The following PCDH15 variants were observed in gnomAD, a reference collection of about 807,000 sequenced individuals.
PCDH15 encodes the protein protocadherin related 15.
A neutral mutation model predicts 178.5 loss-of-function variants in PCDH15; 129 were observed. The observed-to-expected ratio is 0.72, with a 90% CI of 0.63 to 0.84. The LOEUF is 0.84. Ranked by LOEUF, PCDH15 falls within the 40% of genes least tolerant of loss-of-function variation. The pLI, the probability that PCDH15 is intolerant of heterozygous loss-of-function variation, is 0.00. For missense variants in PCDH15, 2,230 were observed against 2,099.9 expected (o/e 1.06, Z -1.21); for synonymous variants, 800 against 732.0 (o/e 1.09, Z -1.50).
intron 3 of PCDH15, among the ~76,000 whole-genome samples, chr10:54,408,442 G>T (rs1952994056): frequency 6.6e-6 from 1 of 151,912 alleles, no homozygotes; most frequent in Admixed American, 6.6e-5. Context: ...TTAATAATTT[G>T]CCTATAATAT....
chr10:54,872,781 C>G (rs187723728), intron 3 of PCDH15, among the ~76,000 whole-genome samples: 228 of 152,066 alleles, frequency 1.5e-3, no homozygotes, highest in African/African-American at 5.4e-3. Context: ...ATCGCAGGAG[C>G]AAGTAATCAA....
chr10:54,152,530 A>G (rs187299836), intron 14 of PCDH15, among the ~76,000 whole-genome samples: 12 of 152,158 alleles, frequency 7.9e-5, no homozygotes, highest in African/African-American at 2.4e-4. Context: ...AATGGAAAAA[A>G]ACCCCAGCAA....
At chr10:54,408,539 A>T (rs560873885) in intron 3 of PCDH15, among the ~76,000 whole-genome samples, 2 of 152,288 alleles carry the variant, frequency 1.3e-5, no homozygotes, top group Admixed American at 1.3e-4. Flanking sequence ...GTATGAGACA[A>T]ATCATGATGT....
intron 2 of PCDH15, among the ~76,000 whole-genome samples, chr10:55,563,081 G>C (rs1842231850): frequency 6.6e-6 from 1 of 151,900 alleles, no homozygotes; most frequent in African/African-American, 2.4e-5. Context: ...CCTCTAGCTT[G>C]CAAAAACTAC....
chr10:55,274,634 G>A (rs1477100871), intron 1 of PCDH15, among the ~76,000 whole-genome samples: 1 of 151,930 alleles, frequency 6.6e-6, no homozygotes, highest in African/African-American at 2.4e-5. Context: ...TTCCAAACCT[G>A]CTTTTCTTAT....
At chr10:53,847,766 C>T (rs2078070939) in intron 28 of PCDH15, among the ~76,000 whole-genome samples, 1 of 152,052 alleles carries the variant, frequency 6.6e-6, no homozygotes, top group South Asian at 2.1e-4. Context: ...TCTGTAATTA[C>T]TTACTCTTAC....
intron 13 of PCDH15, among the ~76,000 whole-genome samples, chr10:54,175,184 A>G (rs1256077964): frequency 6.6e-6 from 1 of 152,176 alleles, no homozygotes; most frequent in Non-Finnish European, 1.5e-5. Context: ...TCATGACATT[A>G]TACACACAAA....
chr10:54,819,944 A>G (rs1243228146), intron 3 of PCDH15, among the ~76,000 whole-genome samples: 1 of 152,084 alleles, frequency 6.6e-6, no homozygotes, highest in Non-Finnish European at 1.5e-5. Context: ...AAAAATACAT[A>G]TCATTTAGCC....
chr10:54,258,225 G>C (rs1050226711), intron 8 of PCDH15, among the ~76,000 whole-genome samples: 9 of 152,130 alleles, frequency 5.9e-5, no homozygotes, highest in African/African-American at 2.2e-4. Context: ...GAATTAGATT[G>C]ATGTCTTGTT....
intron 2 of PCDH15, among the ~76,000 whole-genome samples, chr10:55,024,080 T>TATATAGGAAGGAATATAC (rs1840410433): frequency 3.6e-5 from 1 of 27,832 alleles, no homozygotes; most frequent in East Asian, 3.6e-3. Flanking sequence ...CACTCATATA[T>TATATAGGAAGGAATATAC]ATATATATAT....
At chr10:53,823,425 GT>G (rs1564541317) in intron 32 of PCDH15, 2 of 1,425,686 alleles carry the variant, frequency 1.4e-6, no homozygotes, top group African/African-American at 1.4e-5. Flanking sequence ...TGAGAAAGAT[GT>G]TTTTATGGCT....
At chr10:54,875,253 G>A (rs73259921) in intron 3 of PCDH15, among the ~76,000 whole-genome samples, 34,271 of 151,956 alleles carry the variant, frequency 0.23, 4,558 homozygotes, top group Non-Finnish European at 0.31. Context: ...TGGGGGCATC[G>A]CAAACCATAT....
At chr10:55,198,253 C>T (rs1840147723) in intron 1 of PCDH15, among the ~76,000 whole-genome samples, 1 of 152,066 alleles carries the variant, frequency 6.6e-6, no homozygotes, top group Admixed American at 6.6e-5. Context: ...TACGTTGCAG[C>T]TTGATATGGT....
intron 1 of PCDH15, among the ~76,000 whole-genome samples, chr10:54,784,142 C>A (rs921707588): frequency 6.6e-6 from 1 of 151,952 alleles, no homozygotes; most frequent in Admixed American, 6.6e-5. Context: ...CTCCACCTAG[C>A]CTCTTCCTTG....
intron 2 of PCDH15, among the ~76,000 whole-genome samples, chr10:55,398,497 AAT>A (rs1470599313): frequency 3.3e-5 from 5 of 152,114 alleles, no homozygotes; most frequent in Admixed American, 1.3e-4. Flanking sequence ...TTCTTTTTTG[AAT>A]AGTCTTTCCT....
chr10:55,559,302 T>C (rs1842148019), intron 2 of PCDH15, among the ~76,000 whole-genome samples: 1 of 152,064 alleles, frequency 6.6e-6, no homozygotes, highest in Admixed American at 6.6e-5. Context: ...ATAACAGCTT[T>C]TTAATTTTGA....
At chr10:54,617,214 TAA>T (rs775036959) in intron 2 of PCDH15, among the ~76,000 whole-genome samples, 12 of 152,044 alleles carry the variant, frequency 7.9e-5, no homozygotes, top group Non-Finnish European at 1.6e-4. Context: ...GACTATTTGG[TAA>T]ACATCACCAG....
intron 18 of PCDH15, among the ~76,000 whole-genome samples, chr10:54,037,817 T>C (rs1267635511): frequency 6.6e-6 from 1 of 152,034 alleles, no homozygotes; most frequent in Non-Finnish European, 1.5e-5. Context: ...TATTTCAAAC[T>C]TAAAGTCTGA....
intron 1 of PCDH15, among the ~76,000 whole-genome samples, chr10:55,248,414 A>G (rs1162077348): frequency 1.3e-5 from 2 of 152,102 alleles, no homozygotes; most frequent in African/African-American, 2.4e-5. Context: ...CATATTCCTA[A>G]TGTTTTCTTG....
Sources: allele counts gnomAD v4.1 joint callset (sites outside exome capture counted in the v4.1 genomes callset), GRCh38; gene constraint gnomAD v4.1.1; transcripts MANE v1.5; gene names NCBI Gene and HGNC (gene_info 2026-07-23, HGNC 2026-07-21).